GPATCH2: variants seen among roughly 807,000 people sequenced by gnomAD.
GPATCH2 encodes the protein G-patch domain containing 2.
A neutral mutation model predicts 58.0 loss-of-function variants in GPATCH2; 51 were observed. That is an observed-to-expected ratio of 0.88 (90% CI 0.70 to 1.11). The LOEUF is 1.11. Among genes scored for constraint, GPATCH2 ranks in the 50% most tolerant of loss-of-function variants. The probability of loss-of-function intolerance (pLI) is 0.00; values close to 1 mark genes in which losing one functional copy is unlikely to be tolerated. For synonymous variants in GPATCH2, 222 were observed against 218.5 expected (o/e 1.02, Z -0.14); for missense variants, 625 against 652.2 (o/e 0.96, Z 0.45).
intron 5 of GPATCH2, among the ~76,000 whole-genome samples, chr1:217,517,160 G>T (rs2102588221): frequency 1.3e-5 from 2 of 152,248 alleles, no homozygotes; most frequent in Middle Eastern, 6.8e-3. Context: ...AAGATTTACA[G>T]TTTCAAGTAT....
At chr1:217,610,809 T>G (rs1668584478) in intron 4 of GPATCH2, 80 bp downstream of exon 4, 2 of 991,484 alleles carry the variant, frequency 2.0e-6, no homozygotes, top group Non-Finnish European at 3.0e-6. Flanking sequence ...TAATTTCCAC[T>G]TTATCTTATC....
At chr1:217,521,645 A>T (rs1418211927) in intron 5 of GPATCH2, among the ~76,000 whole-genome samples, 1 of 152,238 alleles carries the variant, frequency 6.6e-6, no homozygotes, top group Non-Finnish European at 1.5e-5. Context: ...GCTAACATTT[A>T]CAAAGTGTAC....
At chr1:217,540,588 C>T (rs1219584305) in intron 5 of GPATCH2, among the ~76,000 whole-genome samples, 1 of 152,174 alleles carries the variant, frequency 6.6e-6, no homozygotes, top group African/African-American at 2.4e-5. Context: ...AACTTTATTA[C>T]ACTAAAGTAC....
intron 2 of GPATCH2, among the ~76,000 whole-genome samples, chr1:217,617,650 G>T (rs1668957835): frequency 6.6e-6 from 1 of 152,124 alleles, no homozygotes; most frequent in African/African-American, 2.4e-5. Flanking sequence ...GCTTATACTT[G>T]TTACCAAAAT....
chr1:217,458,185 G>A (rs1243691748), intron 8 of GPATCH2, among the ~76,000 whole-genome samples: 3 of 152,114 alleles, frequency 2.0e-5, no homozygotes, highest in Admixed American at 1.3e-4. Flanking sequence ...AGCCGAGATC[G>A]CGCCACTGCA....
intron 5 of GPATCH2, among the ~76,000 whole-genome samples, chr1:217,584,330 T>TAAAA (rs1168175978): frequency 8.9e-4 from 80 of 89,676 alleles, no homozygotes; most frequent in Middle Eastern, 5.3e-3. Flanking sequence ...TCACCTCTAC[T>TAAAA]AAAAAAAAAA....
chr1:217,493,343 C>G lies in GPATCH2; in HGVS notation c.1207-1593G>C, dbSNP rs1661842125. Among the ~76,000 whole-genome samples, 2 of 152,124 alleles carry G rather than the reference C, an allele frequency of 1.3e-5. 1 individual carries two copies. The highest frequency in any genetic ancestry group is 2.9e-5 in the Non-Finnish European group (2 of 68,026). ...TAATTTATTATGCTTCCTCCTACCC[C>G]AACCTAACCTTCTTTCTTCTAAATT... On this transcript the variant is annotated intron_variant, in intron 7 of 9. Transcript: ENST00000366935.
chr1:217,529,063 G>C (rs1374798227), intron 5 of GPATCH2, among the ~76,000 whole-genome samples: 1 of 152,120 alleles, frequency 6.6e-6, no homozygotes, highest in Non-Finnish European at 1.5e-5. Flanking sequence ...ATGGATCTGA[G>C]GTAAAAGATT....
chr1:217,559,538 C>T (rs989873767), intron 5 of GPATCH2, among the ~76,000 whole-genome samples: 1 of 152,130 alleles, frequency 6.6e-6, no homozygotes, highest in Non-Finnish European at 1.5e-5. Context: ...TATCATTACC[C>T]TCATCTTATG....
intron 6 of GPATCH2, among the ~76,000 whole-genome samples, chr1:217,512,158 C>T (rs1445206137): frequency 6.6e-6 from 1 of 151,796 alleles, no homozygotes; most frequent in Non-Finnish European, 1.5e-5. Context: ...CACATGTCTA[C>T]CAAAAAAAGA....
At chr1:217,626,277 A>G (rs1237979067) in intron 1 of GPATCH2, among the ~76,000 whole-genome samples, 1 of 152,196 alleles carries the variant, frequency 6.6e-6, no homozygotes, top group East Asian at 1.9e-4. Context: ...GTGTGTACAA[A>G]AACACTGTAC....
chr1:217,437,688 T>C (rs1260949054), intron 9 of GPATCH2, among the ~76,000 whole-genome samples: 1 of 152,174 alleles, frequency 6.6e-6, no homozygotes, highest in Non-Finnish European at 1.5e-5. Flanking sequence ...TCTAGATTCC[T>C]CCTCTATGGG....
At chr1:217,480,861 T>G (rs186577664) in intron 8 of GPATCH2, among the ~76,000 whole-genome samples, 2 of 152,334 alleles carry the variant, frequency 1.3e-5, no homozygotes, top group East Asian at 3.9e-4. Context: ...GAGTTGATTA[T>G]GCTAAGTGAA....
At chr1:217,539,610 T>A (rs1392433464) in intron 5 of GPATCH2, among the ~76,000 whole-genome samples, 1 of 152,234 alleles carries the variant, frequency 6.6e-6, no homozygotes, top group Non-Finnish European at 1.5e-5. Context: ...ACACTTGAAT[T>A]TAAATTCAGA....
At chr1:217,462,704 C>A (rs1241423911) in intron 8 of GPATCH2, among the ~76,000 whole-genome samples, 1 of 152,142 alleles carries the variant, frequency 6.6e-6, no homozygotes, top group African/African-American at 2.4e-5. Flanking sequence ...TCGCTATAAA[C>A]ATGATGGGGA....
chr1:217,595,872 C>T (rs1571622948), intron 5 of GPATCH2, among the ~76,000 whole-genome samples: 1 of 152,088 alleles, frequency 6.6e-6, no homozygotes, highest in African/African-American at 2.4e-5. Flanking sequence ...TAAACGTGCT[C>T]CTTAGAAAAC....
At chr1:217,616,834 C>T (rs1668910056) in intron 2 of GPATCH2, among the ~76,000 whole-genome samples, 1 of 152,090 alleles carries the variant, frequency 6.6e-6, no homozygotes. Flanking sequence ...AATCACTTGC[C>T]CCAATTTGTT....
At position 217,427,364 on chromosome 1, in the gene GPATCH2, T is replaced by G. The variant is rs1658377068; in HGVS notation, c.*3781A>C. On this transcript the variant is annotated 3_prime_UTR_variant, in exon 10 of 10. Transcript: ENST00000366935. ...TTTACCAATATTTTTCTCTAATTTTTTTGAGATATTGAAATTTTTCGCTGA... is the reference window on the plus strand; with the variant it reads ...TTTACCAATATTTTTCTCTAATTTTGTTGAGATATTGAAATTTTTCGCTGA... The G allele has an allele frequency of 6.6e-6, 1 of 152,180 alleles. No homozygotes were observed. Among genetic ancestry groups the G allele is most frequent in the African/African-American group, 2.4e-5 (1 of 41,462 alleles). 9.4% of individuals were successfully genotyped at this position (152,180 alleles called of 1,614,324 possible). A position where few individuals can be genotyped will look rare whatever the true frequency, so the allele number is the denominator to read the frequency against.
chr1:217,482,043 TAAGTA>T (rs1429946699), intron 8 of GPATCH2, among the ~76,000 whole-genome samples: 1 of 152,116 alleles, frequency 6.6e-6, no homozygotes, highest in African/African-American at 2.4e-5. Context: ...ATTTTATAGA[TAAGTA>T]AACTGAGAGA....
Sources: allele counts gnomAD v4.1 joint callset (sites outside exome capture counted in the v4.1 genomes callset), GRCh38; gene constraint gnomAD v4.1.1; transcripts MANE v1.5; gene names NCBI Gene and HGNC (gene_info 2026-07-23, HGNC 2026-07-21).